Variants in PHEX observed in about 807,000 individuals in gnomAD.
PHEX encodes the protein phosphate regulating endopeptidase X-linked.
A neutral mutation model predicts 68.0 loss-of-function variants in PHEX; 16 were observed. That is an observed-to-expected ratio of 0.24 (90% CI 0.16 to 0.36). PHEX has a LOEUF of 0.36. Ranked by LOEUF, PHEX falls within the 10% of genes least tolerant of loss-of-function variation. The pLI is 1.00. For synonymous variants in PHEX, 208 were observed against 205.1 expected, an observed-to-expected ratio of 1.01 and a Z score of -0.12; for missense variants, 480 against 575.5, an observed-to-expected ratio of 0.83 and a Z score of 1.70.
chrX:22,124,202 C>T (rs1334283363), intron 11 of PHEX, among the ~76,000 whole-genome samples: 2 of 111,770 alleles, frequency 1.8e-5, no homozygotes, highest in East Asian at 2.8e-4. Context: ...AAATATCATC[C>T]GGTCCCAATC....
intron 3 of PHEX, among the ~76,000 whole-genome samples, chrX:22,068,578 T>A (rs1332980765): frequency 1.8e-5 from 2 of 111,953 alleles, no homozygotes; most frequent in African/African-American, 6.5e-5. Flanking sequence ...GCTCTAACCT[T>A]TACTAACTGA....
At chrX:22,108,028 G>A (rs901333476) in intron 9 of PHEX, among the ~76,000 whole-genome samples, 1 of 111,907 alleles carries the variant, frequency 8.9e-6, no homozygotes, top group Non-Finnish European at 1.9e-5. Flanking sequence ...TAGGTGCTGG[G>A]TTCTTACTTC....
intron 11 of PHEX, among the ~76,000 whole-genome samples, chrX:22,128,163 A>G (rs777942747): frequency 1.3e-4 from 14 of 110,110 alleles, no homozygotes; most frequent in Admixed American, 9.9e-5. Context: ...GGTTCAAGCA[A>G]TTATCCTGTC....
chrX:22,044,668 A>G (rs1216466463), intron 2 of PHEX, among the ~76,000 whole-genome samples: 1 of 109,737 alleles, frequency 9.1e-6, no homozygotes, highest in African/African-American at 3.3e-5. Context: ...AGCTGAGATC[A>G]CGCCACTGCA....
chrX:22,059,970 C>T (rs1161451905), intron 3 of PHEX, among the ~76,000 whole-genome samples: 2 of 110,892 alleles, frequency 1.8e-5, no homozygotes, highest in Admixed American at 9.7e-5. Flanking sequence ...CTAAGGCTTG[C>T]CATGTGCTTA....
intron 11 of PHEX, among the ~76,000 whole-genome samples, chrX:22,122,673 T>C (rs1423527102): frequency 8.9e-6 from 1 of 111,775 alleles, no homozygotes; most frequent in Non-Finnish European, 1.9e-5. Context: ...CTGGAGTCAG[T>C]GGTGGGCCCC....
At chrX:22,033,243 G>A in intron 1 of PHEX, 120 bp downstream of exon 1, 1 of 535,929 alleles carries the variant, frequency 1.9e-6, no homozygotes, top group East Asian at 3.3e-5. Flanking sequence ...TTCATAGGTG[G>A]TGTATCTTTA....
intron 9 of PHEX, among the ~76,000 whole-genome samples, chrX:22,104,631 C>T (rs980169236): frequency 3.6e-5 from 4 of 111,912 alleles, no homozygotes; most frequent in African/African-American, 1.3e-4. Context: ...GCAACCTTTA[C>T]TAGCACATCA....
intron 8 of PHEX, chrX:22,097,908 CA>C: frequency 5.7e-6 from 1 of 174,708 alleles, no homozygotes; most frequent in Non-Finnish European, 1.0e-5. Context: ...GCTGGGATTA[CA>C]GGTGCCGGCC....
chrX:22,216,496 T>C (rs1282520815), intron 16 of PHEX, among the ~76,000 whole-genome samples: 63 of 21,272 alleles, frequency 3.0e-3, no homozygotes, highest in Middle Eastern at 0.029. Context: ...TTTATGCTTA[T>C]TTATTTATTT....
intron 20 of PHEX, among the ~76,000 whole-genome samples, chrX:22,244,103 A>G (rs1279709497): frequency 8.9e-6 from 1 of 112,263 alleles, no homozygotes; most frequent in Admixed American, 9.4e-5. Context: ...CTATGCAGCC[A>G]TAAAAAAGAA....
chrX:22,128,120 G>A (rs746655960), intron 11 of PHEX, among the ~76,000 whole-genome samples: 4 of 111,430 alleles, frequency 3.6e-5, no homozygotes, highest in South Asian at 7.5e-4. Context: ...GTGCTGTGGC[G>A]CGATCTTGGC....
intron 11 of PHEX, among the ~76,000 whole-genome samples, chrX:22,131,191 T>A (rs1312662829): frequency 1.8e-4 from 20 of 110,078 alleles, no homozygotes; most frequent in Non-Finnish European, 3.4e-4. Flanking sequence ...AGGCGCCTGC[T>A]ACTACACCCA....
intron 3 of PHEX, among the ~76,000 whole-genome samples, chrX:22,062,316 G>T (rs766842674): frequency 9.0e-6 from 1 of 111,440 alleles, no homozygotes; most frequent in African/African-American, 3.3e-5. Context: ...AGTATTGTCC[G>T]ATAGAAATAT....
intron 12 of PHEX, among the ~76,000 whole-genome samples, chrX:22,156,767 T>A (rs768158328): frequency 4.2e-4 from 47 of 111,846 alleles, no homozygotes; most frequent in African/African-American, 1.4e-3. Context: ...GCTGTTCTAT[T>A]TGCAAACTTT....
intron 12 of PHEX, among the ~76,000 whole-genome samples, chrX:22,142,213 C>T (rs922743502): frequency 1.8e-5 from 2 of 112,095 alleles, no homozygotes; most frequent in African/African-American, 6.5e-5. Context: ...GATTACGCCG[C>T]TGCACTCCAG....
intron 12 of PHEX, among the ~76,000 whole-genome samples, chrX:22,167,687 G>A (rs1014700457): frequency 5.6e-5 from 6 of 108,102 alleles, no homozygotes; most frequent in Non-Finnish European, 1.1e-4. Context: ...TAGAGACAGG[G>A]TCCCGCTGTG....
intron 9 of PHEX, among the ~76,000 whole-genome samples, chrX:22,108,060 G>A (rs917003909): frequency 9.0e-6 from 1 of 111,418 alleles, no homozygotes; most frequent in African/African-American, 3.3e-5. Context: ...CATGGCATCT[G>A]GCACAATACT....
chrX:22,167,815 C>T (rs1440805590), intron 12 of PHEX, among the ~76,000 whole-genome samples: 6 of 111,075 alleles, frequency 5.4e-5, no homozygotes, highest in African/African-American at 2.0e-4. Flanking sequence ...ATTTTTTAAC[C>T]AGGTGATTTG....
Sources: gnomAD v4.1 joint callset for allele counts (sites outside exome capture counted in the v4.1 genomes callset) on GRCh38, gnomAD v4.1.1 for gene constraint, MANE v1.5 for transcripts, NCBI Gene and HGNC (gene_info 2026-07-23, HGNC 2026-07-21) for gene names.